Variants in SLC25A13 observed in about 807,000 individuals in gnomAD.
The protein encoded by SLC25A13 is electrogenic aspartate/glutamate antiporter SLC25A13, mitochondrial.
SLC25A13 carries 70 observed loss-of-function variants against 85.5 expected under a neutral mutation model. That is an observed-to-expected ratio of 0.82 (90% confidence interval 0.68 to 1.00). The LOEUF is 1.00. Among genes scored for constraint, SLC25A13 ranks in the 50% least tolerant of loss-of-function variants. The probability of loss-of-function intolerance (pLI) is 0.00; values close to 1 mark genes in which losing one functional copy is unlikely to be tolerated. For synonymous variants in SLC25A13, 259 were observed against 288.7 expected (o/e 0.90, Z 1.04); for missense variants, 765 against 819.8 (o/e 0.93, Z 0.82).
chr7:96,259,558 A>C (rs1297415089), intron 3 of SLC25A13, among the ~76,000 whole-genome samples: 1 of 152,206 alleles, frequency 6.6e-6, no homozygotes, highest in African/African-American at 2.4e-5. Flanking sequence ...AGGAAACAAC[A>C]GATGCTGGAG....
chr7:96,292,353 C>G (rs925722888), intron 2 of SLC25A13, among the ~76,000 whole-genome samples: 12 of 152,084 alleles, frequency 7.9e-5, no homozygotes, highest in African/African-American at 2.9e-4. Flanking sequence ...GGAAGCATTC[C>G]CTTTGAAAAC....
intron 3 of SLC25A13, among the ~76,000 whole-genome samples, chr7:96,241,261 C>CT (rs1475406587): frequency 3.8e-4 from 58 of 152,072 alleles, no homozygotes; most frequent in African/African-American, 1.4e-3. Flanking sequence ...AACAAAAAAA[C>CT]ACCTCTTTAC....
chr7:96,187,463 A>G (rs1794683312), intron 9 of SLC25A13, among the ~76,000 whole-genome samples: 1 of 152,364 alleles, frequency 6.6e-6, no homozygotes, highest in South Asian at 2.1e-4. Context: ...TTCCAACTGT[A>G]GCCCTATATA....
At chr7:96,287,007 AT>A (rs1273539966) in intron 2 of SLC25A13, among the ~76,000 whole-genome samples, 1 of 152,228 alleles carries the variant, frequency 6.6e-6, no homozygotes, top group Admixed American at 6.5e-5. Flanking sequence ...TTCACATGGA[AT>A]TTTTACTAGG....
intron 3 of SLC25A13, among the ~76,000 whole-genome samples, chr7:96,239,554 T>C (rs1796885534): frequency 6.6e-6 from 1 of 152,124 alleles, no homozygotes; most frequent in Admixed American, 6.5e-5. Flanking sequence ...CAATGTTAGA[T>C]TCCCTTTAAA....
intron 4 of SLC25A13, among the ~76,000 whole-genome samples, chr7:96,218,857 TA>T (rs1795995343): frequency 6.6e-6 from 1 of 152,202 alleles, no homozygotes; most frequent in African/African-American, 2.4e-5. Flanking sequence ...TAATGCATGC[TA>T]AATCCTCAAA....
chr7:96,250,933 G>A (rs1230356969), intron 3 of SLC25A13, among the ~76,000 whole-genome samples: 6 of 152,044 alleles, frequency 3.9e-5, no homozygotes, highest in African/African-American at 1.5e-4. Flanking sequence ...AAATACTTAT[G>A]GAGTGCTACT....
chr7:96,283,720 A>T, intron 2 of SLC25A13: 1 of 269,636 alleles, frequency 3.7e-6, no homozygotes, highest in East Asian at 1.2e-4. Context: ...ACCTGGTGTC[A>T]GCCTGCTCCA....
intron 2 of SLC25A13, among the ~76,000 whole-genome samples, chr7:96,294,049 G>T (rs1028322425): frequency 3.9e-5 from 6 of 152,288 alleles, no homozygotes; most frequent in Non-Finnish European, 7.3e-5. Flanking sequence ...ATCAATGATA[G>T]ACTGGATTAA....
chr7:96,181,836 C>T (rs963440613), intron 11 of SLC25A13, among the ~76,000 whole-genome samples: 1 of 152,142 alleles, frequency 6.6e-6, no homozygotes, highest in Non-Finnish European at 1.5e-5. Flanking sequence ...AGCAGCAATA[C>T]TATATTTTCC....
At chr7:96,305,921 G>C (rs990723768) in intron 1 of SLC25A13, among the ~76,000 whole-genome samples, 3 of 152,238 alleles carry the variant, frequency 2.0e-5, no homozygotes, top group African/African-American at 7.2e-5. Flanking sequence ...GGGGCTCTCT[G>C]CACAGCTGGA....
At position 96,322,057 on chromosome 7, in the gene SLC25A13, G is replaced by T. The variant is rs1357378945; in HGVS notation, c.-101C>A. The T allele has an allele frequency of 7.5e-6, 11 of 1,461,868 alleles. No homozygotes were observed. The highest frequency in any genetic ancestry group is 1.0e-5 in the Non-Finnish European group (11 of 1,085,164). The allele number at this position is 1,461,868 out of a possible 1,614,324, so 90.6% of individuals were successfully genotyped here. A position where few individuals can be genotyped will look rare whatever the true frequency, so the allele number is the denominator to read the frequency against. On this transcript the variant is annotated 5_prime_UTR_variant, in exon 1 of 18. Coordinates refer to ENST00000265631, the MANE Select transcript of SLC25A13 (RefSeq NM_014251.3). ...CTAGTCCCGGCGGCGGCGGCGGTGG[G>T]GGCGGCGATACGGCCAGGCAGCGTG...
chr7:96,207,165 T>G (rs1212271520), intron 5 of SLC25A13, among the ~76,000 whole-genome samples: 1 of 152,158 alleles, frequency 6.6e-6, no homozygotes, highest in Non-Finnish European at 1.5e-5. Context: ...CGCTTTGTTT[T>G]TAAAAAATAC....
At chr7:96,244,003 G>T (rs770623590) in intron 3 of SLC25A13, among the ~76,000 whole-genome samples, 22 of 152,174 alleles carry the variant, frequency 1.4e-4, no homozygotes, top group Non-Finnish European at 1.5e-4. Flanking sequence ...AGCACGGGCC[G>T]CCGGGTGAAG....
chr7:96,205,563 CA>C (rs1310289836), intron 5 of SLC25A13, among the ~76,000 whole-genome samples: 7 of 152,122 alleles, frequency 4.6e-5, no homozygotes, highest in African/African-American at 1.7e-4. Context: ...CTTTCCATTC[CA>C]ATGAGGAAGA....
intron 14 of SLC25A13, among the ~76,000 whole-genome samples, chr7:96,140,982 G>A (rs977588195): frequency 2.1e-5 from 3 of 145,848 alleles, no homozygotes; most frequent in African/African-American, 7.6e-5. Flanking sequence ...ACCAGCTGAT[G>A]TCATATTAAT....
chr7:96,234,168 T>C (rs1427789751), intron 4 of SLC25A13, among the ~76,000 whole-genome samples: 4 of 152,204 alleles, frequency 2.6e-5, no homozygotes, highest in Admixed American at 6.5e-5. Context: ...TTCCAAGCCT[T>C]CCCTTTCTTC....
intron 1 of SLC25A13, among the ~76,000 whole-genome samples, chr7:96,315,858 C>T (rs1400525428): frequency 6.6e-6 from 1 of 151,914 alleles, no homozygotes; most frequent in Admixed American, 6.6e-5. Flanking sequence ...TGACAAACCT[C>T]TGAAGAGGGT....
At chr7:96,163,746 A>G (rs1793617910) in intron 13 of SLC25A13, among the ~76,000 whole-genome samples, 1 of 152,186 alleles carries the variant, frequency 6.6e-6, no homozygotes, top group African/African-American at 2.4e-5. Context: ...GAAATGGCAA[A>G]TAAGCAGGTT....
Sources: gnomAD v4.1 joint callset for allele counts (sites outside exome capture counted in the v4.1 genomes callset) on GRCh38, gnomAD v4.1.1 for gene constraint, MANE v1.5 for transcripts, NCBI Gene and HGNC (gene_info 2026-07-23, HGNC 2026-07-21) for gene names.